The following FAM91A1 variants were observed in gnomAD, a reference collection of about 807,000 sequenced individuals.
The protein encoded by FAM91A1 is family with sequence similarity 91 member A1, also known as protein FAM91A1.
FAM91A1 carries 41 observed loss-of-function variants against 113.5 expected under a neutral mutation model. The observed-to-expected ratio is 0.36, with a 90% confidence interval of 0.28 to 0.47. FAM91A1 has a LOEUF of 0.47. Among genes scored for constraint, FAM91A1 ranks in the 20% least tolerant of loss-of-function variants. The probability of loss-of-function intolerance (pLI) is 1.00; values close to 1 mark genes in which losing one functional copy is unlikely to be tolerated. For missense variants in FAM91A1, 696 were observed against 1,001.2 expected (o/e 0.70, Z 4.11); for synonymous variants, 307 against 347.9 (o/e 0.88, Z 1.31).
chr8:123,789,808 A>G lies in FAM91A1; in HGVS notation c.1411+63A>G, dbSNP rs1815341466. 1.9e-6 allele frequency: 3 copies of G among 1,563,826 alleles called. No homozygotes were observed. In the Admixed American group the frequency reaches 5.4e-5, roughly 28 times the overall value. ...ATGAAACTTTTTTCTAAGAAATTAAACAGATCATGCTCACTTATATAATCA... is the reference window on the plus strand; with the variant it reads ...ATGAAACTTTTTTCTAAGAAATTAAGCAGATCATGCTCACTTATATAATCA... On this transcript the variant is annotated intron_variant, in intron 15 of 23. Coordinates refer to ENST00000334705, the MANE Select transcript of FAM91A1 (RefSeq NM_144963.4).
rs756866145 is a variant in FAM91A1, at chr8:123,808,884, C to T, written c.2138-9C>T. ...TGATAAAAAAATAAGTTTATGTATCCTTTCTTAGGTGCCACAACAGAAGCA... is the reference window on the plus strand; with the variant it reads ...TGATAAAAAAATAAGTTTATGTATCTTTTCTTAGGTGCCACAACAGAAGCA... On this transcript the variant is annotated splice_polypyrimidine_tract_variant and intron_variant, in intron 21 of 23. Coordinates refer to ENST00000334705, the MANE Select transcript of FAM91A1 (RefSeq NM_144963.4). The T allele has an allele frequency of 6.2e-7, 1 of 1,605,590 alleles. No homozygotes were observed. Among genetic ancestry groups the T allele is most frequent in the South Asian group, 1.1e-5 (1 of 89,920 alleles).
intron 15 of FAM91A1, among the ~76,000 whole-genome samples, chr8:123,794,422 TCA>T (rs770791185): frequency 1.3e-5 from 2 of 152,194 alleles, no homozygotes; most frequent in African/African-American, 4.8e-5. Context: ...CATTTACAGA[TCA>T]CACAGTGACA....
intron 15 of FAM91A1, among the ~76,000 whole-genome samples, chr8:123,792,972 T>C (rs1329020994): frequency 6.6e-6 from 1 of 152,186 alleles, no homozygotes; most frequent in East Asian, 1.9e-4. Context: ...AGCCAAAGCT[T>C]GTTTAAGCTT....
At chr8:123,804,676 C>T (rs994825445) in intron 18 of FAM91A1, among the ~76,000 whole-genome samples, 6 of 151,918 alleles carry the variant, frequency 3.9e-5, no homozygotes, top group Non-Finnish European at 8.8e-5. Flanking sequence ...CAGATGTGCC[C>T]CTTACCTTTT....
chr8:123,794,974 G>A (rs1960363), intron 15 of FAM91A1, among the ~76,000 whole-genome samples: 2,530 of 152,250 alleles, frequency 0.017, 66 homozygotes, highest in African/African-American at 0.058. Context: ...AAAACATTGC[G>A]CTTTTTGCAA....
intron 8 of FAM91A1, among the ~76,000 whole-genome samples, chr8:123,780,919 T>C (rs1395057568): frequency 6.6e-6 from 1 of 152,218 alleles, no homozygotes; most frequent in Non-Finnish European, 1.5e-5. Flanking sequence ...TTTTTCATGT[T>C]ACTGTAGTCT....
intron 15 of FAM91A1, 125 bp from the exon 16 acceptor site, chr8:123,797,961 CTTAA>C (rs1298949642): frequency 1.9e-5 from 21 of 1,098,440 alleles, no homozygotes; most frequent in Middle Eastern, 3.1e-4. Context: ...TTTGGTACTT[CTTAA>C]TAGAGTTACT....
chr8:123,808,687 A>G (rs1815873815), intron 21 of FAM91A1: 3 of 516,234 alleles, frequency 5.8e-6, no homozygotes, highest in Non-Finnish European at 1.0e-5. Context: ...TCTCAGACAC[A>G]TGTTTATACC....
intron 2 of FAM91A1, 55 bp from the exon 3 acceptor site, chr8:123,775,092 A>G: frequency 6.8e-7 from 1 of 1,471,528 alleles, no homozygotes; most frequent in Non-Finnish European, 9.1e-7. Context: ...TTCATAGTTA[A>G]TATATAACTA....
At chr8:123,778,968 C>T (rs1815053669) in intron 6 of FAM91A1, among the ~76,000 whole-genome samples, 196 bp downstream of exon 6, 1 of 152,072 alleles carries the variant, frequency 6.6e-6, no homozygotes, top group African/African-American at 2.4e-5. Flanking sequence ...GTGAGGGAGA[C>T]TTGACTTGGT....
At chr8:123,789,496 G>C in intron 14 of FAM91A1, 117 bp from the exon 15 acceptor site, 1 of 1,480,210 alleles carries the variant, frequency 6.8e-7, no homozygotes, top group South Asian at 1.3e-5. Flanking sequence ...GTATTGCCTG[G>C]GCAAATTTTT....
At chr8:123,783,406 T>C (rs934425392) in intron 8 of FAM91A1, among the ~76,000 whole-genome samples, 2 of 152,160 alleles carry the variant, frequency 1.3e-5, no homozygotes, top group African/African-American at 4.8e-5. Flanking sequence ...AAAGAAACCA[T>C]TGATCATTAA....
At chr8:123,770,478 C>T (rs1042981027) in intron 1 of FAM91A1, among the ~76,000 whole-genome samples, 8 of 152,222 alleles carry the variant, frequency 5.3e-5, no homozygotes, top group African/African-American at 1.9e-4. Flanking sequence ...AAGCTCTAAA[C>T]CTGAAGGAAT....
At chr8:123,777,806 T>A (rs1031496311) in intron 4 of FAM91A1, among the ~76,000 whole-genome samples, 1 of 152,258 alleles carries the variant, frequency 6.6e-6, no homozygotes, top group African/African-American at 2.4e-5. Context: ...TTCTGCTTTT[T>A]TAAAATGTTT....
Position 123,785,709 on chromosome 8 carries a change from A to G in FAM91A1, c.930A>G (p.Ser310=). The change falls in exon 11 of 24, where the codon TCA becomes TCG. Residue 310 remains serine (S), a synonymous_variant. Coordinates refer to ENST00000334705, the MANE Select transcript of FAM91A1 (RefSeq NM_144963.4). ...QVINLDQLHS[S]WKNVPSVNRL... ...TTAATTTGGATCAACTTCATTCATC[A>G]TGGAAGAATGTTCCATCCGTAAACA... 1.2e-6 allele frequency: 2 copies of G among 1,609,102 alleles called. No individual in the cohort carries two copies. Among genetic ancestry groups the G allele is most frequent in the East Asian group, 2.2e-5 (1 of 44,696 alleles).
Position 123,780,474 on chromosome 8 carries a change from C to T in FAM91A1, c.641-6C>T. The T allele has an allele frequency of 6.2e-7, 1 of 1,607,280 alleles. No homozygotes were observed. Among genetic ancestry groups the T allele is most frequent in the Non-Finnish European group, 8.5e-7 (1 of 1,176,224 alleles). ...CATCTAAAACAAGGTACTTTTGTTTCTTCAGGTTTGTATAACAAAGGATTT... is the reference window on the plus strand; with the variant it reads ...CATCTAAAACAAGGTACTTTTGTTTTTTCAGGTTTGTATAACAAAGGATTT... On this transcript the variant is annotated splice_region_variant and splice_polypyrimidine_tract_variant and intron_variant, in intron 7 of 23. Transcript: ENST00000334705.
At chr8:123,787,235 T>A in intron 12 of FAM91A1, 26 bp from the exon 13 acceptor site, 44 of 1,513,476 alleles carry the variant, frequency 2.9e-5, no homozygotes, top group Non-Finnish European at 4.0e-5. Context: ...TCCATTTACT[T>A]GATTTTAAAT....
At chr8:123,785,513 A>C in intron 10 of FAM91A1, 116 bp from the exon 11 acceptor site, 2 of 709,276 alleles carry the variant, frequency 2.8e-6, no homozygotes. Context: ...GTTTCTGGTT[A>C]CGGGATGAAA....
rs1816044784 is a variant in FAM91A1, at chr8:123,815,187, T to C, written c.*2483T>C. The stretch of plus-strand genomic sequence containing the variant: ...TGTAATCAGATGATTTTATGTTTTT[T>C]TTTCAGGGGAGCGGAATATTGGTTT... On this transcript the variant is annotated 3_prime_UTR_variant, in exon 24 of 24. Coordinates refer to ENST00000334705, the MANE Select transcript of FAM91A1 (RefSeq NM_144963.4). The C allele has an allele frequency of 6.6e-6, 1 of 152,628 alleles. No individual in the cohort carries two copies. The highest frequency in any genetic ancestry group is 2.4e-5 in the African/African-American group (1 of 41,444). 9.5% of individuals were successfully genotyped at this position (152,628 alleles called of 1,614,324 possible).
Sources: gnomAD v4.1 joint callset for allele counts (sites outside exome capture counted in the v4.1 genomes callset) on GRCh38, gnomAD v4.1.1 for gene constraint, MANE v1.5 for transcripts, NCBI Gene and HGNC (gene_info 2026-07-23, HGNC 2026-07-21) for gene names.